Variants in EP400 observed in about 807,000 individuals in gnomAD.
EP400 encodes the protein E1A binding protein p400.
Under a neutral mutation model 354.1 loss-of-function variants are expected in EP400, and 105 were observed. The ratio of observed to expected loss-of-function variants is 0.30; its 90% confidence interval spans 0.25 to 0.35. The LOEUF (loss-of-function observed/expected upper bound fraction) is 0.35, where lower values mean the gene tolerates loss of function less well. EP400 is among the 10% of genes least tolerant of loss of function. The pLI, the probability that EP400 is intolerant of heterozygous loss-of-function variation, is 1.00. For missense variants in EP400, 3,280 were observed against 4,121.0 expected (o/e 0.80, Z 5.59); for synonymous variants, 1,646 against 1,716.9 (o/e 0.96, Z 1.02).
chr12:132,044,971 G>A lies in EP400; in HGVS notation c.6784+18G>A, dbSNP rs777585849. 22 of 1,612,410 alleles carry A rather than the reference G, an allele frequency of 1.4e-5. No homozygotes were observed. The highest frequency in any genetic ancestry group is 4.0e-5 in the African/African-American group (3 of 74,882). On this transcript the variant is annotated intron_variant, in intron 37 of 52. Transcript: ENST00000389561. ...CCCCTCAGGTGCGCATCCCGAGGGCGTCACATGACCTGGGGGGGCCCTGGC... is the reference window on the plus strand; with the variant it reads ...CCCCTCAGGTGCGCATCCCGAGGGCATCACATGACCTGGGGGGGCCCTGGC...
At chr12:131,999,502 G>T (rs1026686929) in intron 12 of EP400, among the ~76,000 whole-genome samples, 3 of 152,088 alleles carry the variant, frequency 2.0e-5, no homozygotes, top group African/African-American at 7.2e-5. Flanking sequence ...GCAGTGGCAC[G>T]ATCTCAGCTC....
At chr12:131,950,656 C>T (rs934384715) in intron 1 of EP400, among the ~76,000 whole-genome samples, 1 of 152,244 alleles carries the variant, frequency 6.6e-6, no homozygotes, top group South Asian at 2.1e-4. Context: ...ATTGCCGCTG[C>T]CTCCCCGGGG....
At position 131,981,492 on chromosome 12, in the gene EP400, A is replaced by G. The variant is rs1408925368; in HGVS notation, c.1439A>G (p.Gln480Arg). The change falls in exon 4 of 53, where the codon CAG becomes CGG. Residue 480 changes from glutamine (Q) to arginine (R), a missense_variant. By Grantham distance (43) the Gln-to-Arg change is conservative. This residue lies in a region of EP400 where 800 missense variants were observed against 840.0 expected (regional missense o/e 0.95). Transcript: ENST00000389561. ...CCTTTTTTGAAAATTATTCTAGAGC[A>G]GTCTAAGAGGCCTCGCCTTGAAGTG... Reference protein sequence around the residue: ...QAMPSTGMAEQSKRPRLEVGH... With the variant: ...QAMPSTGMAERSKRPRLEVGH... 4 of 1,568,640 alleles carry G rather than the reference A, an allele frequency of 2.5e-6. No homozygotes were observed. Among genetic ancestry groups the G allele is most frequent in the Non-Finnish European group, 3.5e-6 (4 of 1,156,120 alleles).
chr12:132,021,207 G>A lies in EP400; in HGVS notation c.4576G>A (p.Ala1526Thr). The change falls in exon 23 of 53, where the codon GCC becomes ACC. Residue 1526 changes from alanine (A) to threonine (T), a missense_variant. Physicochemically the swap from Ala to Thr is moderately conservative, Grantham distance 58 (BLOSUM62 0). Transcript: ENST00000389561. ...AKLRAQTTAQASTPGQPPPQP... is the reference protein window; with the variant it reads ...AKLRAQTTAQTSTPGQPPPQP... ...ACTGCGGGCCCAGACCACAGCACAG[G>A]CCTCCACCCCAGGCCAGCCCCCGCC... 6.3e-7 allele frequency: 1 copy of A among 1,599,122 alleles called. No individual in the cohort carries two copies. Among genetic ancestry groups the A allele is most frequent in the Non-Finnish European group, 8.5e-7 (1 of 1,179,050 alleles).
chr12:132,064,546 C>A, intron 47 of EP400, 122 bp from the exon 48 acceptor site: 2 of 1,335,614 alleles, frequency 1.5e-6, no homozygotes, highest in Non-Finnish European at 2.0e-6. Flanking sequence ...GGATGCTGCA[C>A]GGTAGCAGGT....
rs371736454 is a variant in EP400, at chr12:132,029,757, G to T, written c.5438G>T (p.Arg1813Leu). The T allele has an allele frequency of 1.2e-6, 2 of 1,613,204 alleles. No homozygotes were observed. The highest frequency in any genetic ancestry group is 1.7e-6 in the Non-Finnish European group (2 of 1,180,024). Residue 1813 changes from arginine to leucine, a missense_variant, in exon 28 of 53, where the codon CGG (arginine) becomes CTG (leucine). By Grantham distance (102) the Arg-to-Leu change is moderately radical. This residue lies in a region of EP400 where 459 missense variants were observed against 496.9 expected (regional missense o/e 0.92). Coordinates refer to ENST00000389561, the MANE Select transcript of EP400 (RefSeq NM_015409.5). The surrounding 1 kb of genome is among the most constrained non-coding windows in gnomAD (Gnocchi z 4.7). ...GCACCCCCGTCCCTACGGGTGCCGC[G>T]GCCGCCACCCCTGTACAGCCACAGA... ...VAAPPSLRVP[R>L]PPPLYSHRMR... is the part of the protein sequence containing the mutation.
At chr12:131,983,351 A>G (rs1425581972) in intron 5 of EP400, among the ~76,000 whole-genome samples, 1 of 152,240 alleles carries the variant, frequency 6.6e-6, no homozygotes, top group Non-Finnish European at 1.5e-5. Context: ...CTTGATACAC[A>G]TGTGTAAGGC....
intron 32 of EP400, among the ~76,000 whole-genome samples, 161 bp from the exon 33 acceptor site, chr12:132,043,143 T>TTCACCTGTAAGAGGACC (rs1333368533): frequency 6.6e-6 from 1 of 152,266 alleles, no homozygotes; most frequent in Non-Finnish European, 1.5e-5. Flanking sequence ...CCTTATCATT[T>TTCACCTGTAAGAGGACC]TCACCTGTAA....
chr12:132,053,633 G>T, intron 43 of EP400, 36 bp downstream of exon 43: 2 of 1,478,826 alleles, frequency 1.4e-6, no homozygotes, highest in East Asian at 2.4e-5. Flanking sequence ...TCCCCTCTAC[G>T]GGAAGTCACC....
In EP400 at chr12:131,982,216, A is replaced by G; in HGVS notation, c.1667A>G (p.Gln556Arg). 1 of 1,613,870 alleles carries G rather than the reference A, an allele frequency of 6.2e-7. No individual in the cohort carries two copies. Among genetic ancestry groups the G allele is most frequent in the Non-Finnish European group, 8.5e-7 (1 of 1,179,938 alleles). The stretch of plus-strand genomic sequence containing the variant: ...GCCAGCTTGCACACCCCACTGCCGC[A>G]GCTGCCCGGGAGGCTGCCCCCAGCC... Reference protein sequence around the residue: ...NAASLHTPLPQLPGRLPPAGV... With the variant: ...NAASLHTPLPRLPGRLPPAGV... Residue 556 changes from glutamine (Q) to arginine (R), a missense_variant, in exon 5 of 53, where the codon CAG becomes CGG. This residue lies in a region of EP400 where 800 missense variants were observed against 840.0 expected (regional missense o/e 0.95). Coordinates refer to ENST00000389561, the MANE Select transcript of EP400 (RefSeq NM_015409.5).
intron 15 of EP400, among the ~76,000 whole-genome samples, chr12:132,010,153 T>A (rs1593344143): frequency 6.6e-6 from 1 of 151,118 alleles, no homozygotes; most frequent in Admixed American, 6.6e-5. Context: ...AGTGGCGTGA[T>A]CTCAGCTCAC....
chr12:131,991,372 G>C (rs755399460), intron 9 of EP400, 35 bp from the exon 10 acceptor site: 18 of 1,611,508 alleles, frequency 1.1e-5, no homozygotes, highest in Non-Finnish European at 1.4e-5. Context: ...AGCATGGGGG[G>C]CCTTGGGAAC....
chr12:131,984,866 G>GT (rs766322694), intron 5 of EP400, among the ~76,000 whole-genome samples: 225 of 145,006 alleles, frequency 1.6e-3, no homozygotes, highest in Admixed American at 3.3e-3. Flanking sequence ...GCCCTACTAG[G>GT]TTTTTTTTTT....
intron 32 of EP400, among the ~76,000 whole-genome samples, chr12:132,039,068 C>G (rs2136569137): frequency 6.6e-6 from 1 of 152,250 alleles, no homozygotes; most frequent in South Asian, 2.1e-4. Flanking sequence ...CCGCCGACAC[C>G]CGAGATTGAG....
Position 132,006,144 on chromosome 12 carries a change from C to T in EP400, c.2968C>T (p.Arg990Cys), listed in dbSNP as rs748988067. 10 of 1,614,098 alleles carry T rather than the reference C, an allele frequency of 6.2e-6. No homozygotes were observed. Among genetic ancestry groups the T allele is most frequent in the South Asian group, 1.1e-5 (1 of 91,074 alleles). ...ADDCPGDRESRKDLVLIDSLF... is the reference protein window; with the variant it reads ...ADDCPGDRESCKDLVLIDSLF... ...TGACTGTCCAGGCGACAGGGAGAGT[C>T]GCAAGGACTTGGTTCTCATCGACTC... is the stretch of plus-strand genomic sequence containing the variant. Residue 990 changes from arginine (R) to cysteine (C), a missense_variant, in exon 14 of 53, where the codon CGC becomes TGC. Around this residue, in one of 20 missense-constraint regions of EP400, gnomAD observed 800 missense variants for 840.0 expected, o/e 0.95. Coordinates refer to ENST00000389561, the MANE Select transcript of EP400 (RefSeq NM_015409.5).
chr12:132,017,723 T>C lies in EP400; in HGVS notation c.4110+2T>C, dbSNP rs749627042. The C allele has an allele frequency of 2.0e-6, 3 of 1,516,318 alleles. No homozygotes were observed. The South Asian group carries it at 3.9e-5, about 20-fold the overall frequency. The allele number at this position is 1,516,318 out of a possible 1,614,324, so 93.9% of individuals were successfully genotyped here. A position where few individuals can be genotyped will look rare whatever the true frequency, so the allele number is the denominator to read the frequency against. ...GCACTGGAGAGAGATTTCTGGAAGG[T>C]AAGTGGAGGATCCAGAAAGCGGAAT... On this transcript the variant is annotated splice_donor_variant, in intron 20 of 52. Transcript: ENST00000389561. LOFTEE classifies it high-confidence loss of function. This position sits in a 1 kb window ranked among gnomAD's most constrained non-coding sequence, Gnocchi z 5.0.
chr12:132,022,660 CTT>C (rs60586768), intron 23 of EP400, among the ~76,000 whole-genome samples: 2 of 145,382 alleles, frequency 1.4e-5, no homozygotes. Flanking sequence ...CTAAGTTTTA[CTT>C]TTTTTTTTTT....
intron 2 of EP400, among the ~76,000 whole-genome samples, chr12:131,966,562 C>CAAAAA (rs534384776): frequency 4.3e-4 from 25 of 57,518 alleles, no homozygotes; most frequent in African/African-American, 1.3e-3. Context: ...TACCCTACCT[C>CAAAAA]AAAAAAAAAA....
chr12:131,979,835 C>T lies in EP400; in HGVS notation c.1435+42C>T, dbSNP rs778157872. 5.3e-6 allele frequency: 8 copies of T among 1,511,592 alleles called. No homozygotes were observed. In the South Asian group the frequency reaches 9.9e-5, roughly 19 times the overall value. 93.6% of individuals were successfully genotyped at this position (1,511,592 alleles called of 1,614,324 possible). On this transcript the variant is annotated intron_variant, in intron 3 of 52. Coordinates refer to ENST00000389561, the MANE Select transcript of EP400 (RefSeq NM_015409.5). ...AGCGTGGCCTCGGGAATGCCCCCCT[C>T]TCCTTGGGCTGCCGAGGTACAGTTG...
Sources: allele counts gnomAD v4.1 joint callset (sites outside exome capture counted in the v4.1 genomes callset), GRCh38; gene constraint gnomAD v4.1.1; regional missense constraint gnomAD v4.1.1; non-coding constraint Gnocchi (gnomAD v3.1); transcripts MANE v1.5; gene names NCBI Gene and HGNC (gene_info 2026-07-23, HGNC 2026-07-21).